UNC79: variants seen among roughly 807,000 people sequenced by gnomAD.
UNC79 encodes the protein unc-79 subunit of NALCN channel complex.
A neutral mutation model predicts 283.1 loss-of-function variants in UNC79; 37 were observed. The observed-to-expected ratio is 0.13, with a 90% CI of 0.10 to 0.17. The LOEUF is 0.17. Ranked by LOEUF, UNC79 falls within the 10% of genes least tolerant of loss-of-function variation. The pLI, the probability that UNC79 is intolerant of heterozygous loss-of-function variation, is 1.00. For synonymous variants in UNC79, 1,107 were observed against 1,200.2 expected, an observed-to-expected ratio of 0.92 and a Z score of 1.61; for missense variants, 2,272 against 3,211.1, an observed-to-expected ratio of 0.71 and a Z score of 7.07.
chr14:93,467,034 T>C (rs2057218167), intron 1 of UNC79: 1 of 474,354 alleles, frequency 2.1e-6, no homozygotes, highest in Non-Finnish European at 2.8e-6. Context: ...GACATTTATT[T>C]TTTACATTTT....
At chr14:93,525,451 A>G (rs2060504702) in intron 8 of UNC79, among the ~76,000 whole-genome samples, 1 of 151,506 alleles carries the variant, frequency 6.6e-6, no homozygotes, top group African/African-American at 2.4e-5. Context: ...TCCATCTCGA[A>G]AAAAAAAAGA....
chr14:93,357,410 C>G (rs968871642), intron 1 of UNC79, among the ~76,000 whole-genome samples: 3 of 151,976 alleles, frequency 2.0e-5, no homozygotes, highest in Admixed American at 2.0e-4. Flanking sequence ...CTGCGAAAGG[C>G]AAACCCACCC....
At chr14:93,526,873 A>T (rs919990522) in intron 8 of UNC79, among the ~76,000 whole-genome samples, 1 of 152,214 alleles carries the variant, frequency 6.6e-6, no homozygotes, top group Non-Finnish European at 1.5e-5. Context: ...GTAGAATAAC[A>T]TATAATATGT....
At chr14:93,548,750 T>C (rs2061728176) in intron 14 of UNC79, among the ~76,000 whole-genome samples, 1 of 152,242 alleles carries the variant, frequency 6.6e-6, no homozygotes, top group Non-Finnish European at 1.5e-5. Context: ...ATTGCTCTTT[T>C]TCCTGTAACA....
At chr14:93,588,740 CAAAAA>C (rs397745981) in intron 22 of UNC79, among the ~76,000 whole-genome samples, 10 of 17,760 alleles carry the variant, frequency 5.6e-4, no homozygotes, top group African/African-American at 1.1e-3. Context: ...GACTCCGTCT[CAAAAA>C]AAAAAAAAAA....
rs568697151 is a variant in UNC79 at position 93,683,587 on chromosome 14, T to C, written c.6819+893T>C. Among the ~76,000 whole-genome samples the C allele has an allele frequency of 7.9e-5, 12 of 152,286 alleles. No individual in the cohort carries two copies. In the East Asian group the frequency reaches 2.3e-3, roughly 29 times the overall value. Reference sequence around the variant, plus strand: ...TATCGTTTAATTCTTTAAAACTCAATATTTGCTACCTATGCCATAGCTAAA... The same window carrying C: ...TATCGTTTAATTCTTTAAAACTCAACATTTGCTACCTATGCCATAGCTAAA... On this transcript the variant is annotated intron_variant, in intron 42 of 48. Transcript: ENST00000555664.
chr14:93,676,505 A>G (rs1222620133), intron 41 of UNC79, among the ~76,000 whole-genome samples: 3 of 152,182 alleles, frequency 2.0e-5, no homozygotes, highest in Non-Finnish European at 2.9e-5. Flanking sequence ...AGAGTGTTGC[A>G]GTTGGAGATG....
chr14:93,384,316 A>G (rs1413154362), intron 1 of UNC79, among the ~76,000 whole-genome samples: 1 of 152,212 alleles, frequency 6.6e-6, no homozygotes, highest in Non-Finnish European at 1.5e-5. Context: ...ATTCCCACCA[A>G]CAGTGTACAA....
chr14:93,340,571 C>CTT (rs1182617864), intron 1 of UNC79, among the ~76,000 whole-genome samples: 10 of 135,794 alleles, frequency 7.4e-5, no homozygotes, highest in East Asian at 4.3e-4. Context: ...GTAGGAGAAA[C>CTT]TTTTTTTTTT....
chr14:93,605,070 A>T, intron 26 of UNC79, 109 bp downstream of exon 27: 1 of 1,181,888 alleles, frequency 8.5e-7, no homozygotes, highest in South Asian at 1.9e-5. Flanking sequence ...TAGGATTTGC[A>T]AGCTCAGAAG....
intron 26 of UNC79, among the ~76,000 whole-genome samples, chr14:93,610,615 CT>C (rs200749234): frequency 2.7e-3 from 396 of 144,702 alleles, no homozygotes; most frequent in African/African-American, 2.5e-3. Context: ...TTCTTTCTTT[CT>C]TTTTTTTTTT....
intron 1 of UNC79, among the ~76,000 whole-genome samples, chr14:93,367,428 C>T (rs7151411): frequency 0.039 from 6,001 of 151,928 alleles, 401 homozygotes; most frequent in African/African-American, 0.14. Flanking sequence ...ATACTTTTGG[C>T]CAATGAAATT....
At chr14:93,695,150 G>C (rs958058615) in intron 47 of UNC79, among the ~76,000 whole-genome samples, 1 of 151,858 alleles carries the variant, frequency 6.6e-6, no homozygotes, top group East Asian at 1.9e-4. Flanking sequence ...TTGTCTCTCT[G>C]ATCCTTCTTC....
At chr14:93,649,989 C>T (rs1409102469) in intron 35 of UNC79, among the ~76,000 whole-genome samples, 1 of 152,194 alleles carries the variant, frequency 6.6e-6, no homozygotes, top group African/African-American at 2.4e-5. Context: ...TCTCTACCCC[C>T]ATAGAGGCAA....
intron 22 of UNC79, among the ~76,000 whole-genome samples, chr14:93,588,693 A>G (rs957423092): frequency 1.4e-5 from 2 of 143,032 alleles, no homozygotes; most frequent in African/African-American, 5.2e-5. Context: ...GTGAGCCGAG[A>G]TCGTGCCACT....
intron 1 of UNC79, among the ~76,000 whole-genome samples, chr14:93,460,051 G>A (rs1298333244): frequency 1.7e-4 from 20 of 119,772 alleles, no homozygotes; most frequent in African/African-American, 4.4e-4. Flanking sequence ...AAACCAGGCC[G>A]GGCGCGGTGG....
Position 93,673,465 on chromosome 14 carries a change from T to G in UNC79, c.6741+10T>G. 6.2e-7 allele frequency: 1 copy of G among 1,608,982 alleles called. No homozygotes were observed. Among genetic ancestry groups the G allele is most frequent in the Non-Finnish European group, 8.5e-7 (1 of 1,178,428 alleles). ...TCTTCTGCTTGTTCAGGTAAGCTCATGCTTGATTTGTAAAACTTTTCATGA... is the reference window on the plus strand; with the variant it reads ...TCTTCTGCTTGTTCAGGTAAGCTCAGGCTTGATTTGTAAAACTTTTCATGA... On this transcript the variant is annotated intron_variant, in intron 41 of 48. Coordinates refer to ENST00000555664, the Ensembl canonical transcript of UNC79.
At chr14:93,371,713 C>T (rs575944063) in intron 1 of UNC79, among the ~76,000 whole-genome samples, 20 of 149,182 alleles carry the variant, frequency 1.3e-4, no homozygotes, top group African/African-American at 4.2e-4. Context: ...TGGTGGCGGG[C>T]GCCTGTGGTC....
In UNC79 at chr14:93,496,518, A is replaced by G. The variant is rs527884167; in HGVS notation, c.768+52A>G. ...TAGTCACAAACTTAATTTGTATAAT[A>G]CAGTAAAAACTGTTTACGTATTAAA... On this transcript the variant is annotated intron_variant, in intron 6 of 48. Transcript: ENST00000555664. 8 of 1,280,114 alleles carry G rather than the reference A, an allele frequency of 6.2e-6. No individual in the cohort carries two copies. In the Admixed American group the frequency reaches 1.1e-4, roughly 18 times the overall value. 79.3% of individuals were successfully genotyped at this position (1,280,114 alleles called of 1,614,324 possible).
Sources: allele counts gnomAD v4.1 joint callset (sites outside exome capture counted in the v4.1 genomes callset), GRCh38; gene constraint gnomAD v4.1.1; transcripts MANE v1.5; gene names NCBI Gene and HGNC (gene_info 2026-07-23, HGNC 2026-07-21).